FOXP2: variants seen among roughly 807,000 people sequenced by gnomAD.
FOXP2 encodes forkhead box P2.
In FOXP2, 12 loss-of-function variants were observed where a neutral mutation model predicts 115.8. That is an observed-to-expected ratio of 0.10 (90% CI 0.07 to 0.17). The LOEUF (loss-of-function observed/expected upper bound fraction) is 0.17, where lower values mean the gene tolerates loss of function less well. FOXP2 is among the 10% of genes least tolerant of loss of function. The pLI is 1.00. For missense variants in FOXP2, 629 were observed against 843.5 expected, an observed-to-expected ratio of 0.75 and a Z score of 3.15; for synonymous variants, 328 against 297.7, an observed-to-expected ratio of 1.10 and a Z score of -1.05.
intron 3 of FOXP2, among the ~76,000 whole-genome samples, chr7:114,610,335 G>A (rs1402952215): frequency 6.6e-6 from 1 of 152,026 alleles, no homozygotes; most frequent in East Asian, 1.9e-4. Flanking sequence ...CCATGTTTTG[G>A]TATTTTTCAT....
chr7:114,624,382 G>C (rs1358340510), intron 3 of FOXP2, among the ~76,000 whole-genome samples: 1 of 151,846 alleles, frequency 6.6e-6, no homozygotes, highest in Non-Finnish European at 1.5e-5. Flanking sequence ...CTAGTTGGCA[G>C]ACCGTGTTAA....
chr7:114,604,725 G>A (rs527836245), intron 3 of FOXP2, among the ~76,000 whole-genome samples: 6 of 152,106 alleles, frequency 3.9e-5, no homozygotes, highest in African/African-American at 1.2e-4. Flanking sequence ...AAATGAGTCC[G>A]GGTAAATTCT....
chr7:114,641,214 G>A (rs1322841362), intron 6 of FOXP2, among the ~76,000 whole-genome samples: 2 of 152,006 alleles, frequency 1.3e-5, no homozygotes, highest in Non-Finnish European at 2.9e-5. Context: ...AGTTTGTACT[G>A]AGGATTAAAA....
At chr7:114,254,038 T>G (rs1295545182) in intron 1 of FOXP2, among the ~76,000 whole-genome samples, 3 of 152,228 alleles carry the variant, frequency 2.0e-5, no homozygotes, top group African/African-American at 7.2e-5. Flanking sequence ...ATTTTATTTC[T>G]CCTTCACTTA....
intron 1 of FOXP2, among the ~76,000 whole-genome samples, chr7:114,243,381 G>A (rs550317492): frequency 4.0e-5 from 6 of 151,828 alleles, no homozygotes; most frequent in Admixed American, 1.3e-4. Context: ...GCACATGTGA[G>A]TTTGAAATAA....
intron 2 of FOXP2, among the ~76,000 whole-genome samples, chr7:114,292,502 T>C (rs1013074603): frequency 1.3e-5 from 2 of 152,144 alleles, no homozygotes; most frequent in East Asian, 3.9e-4. Context: ...CCTTTTCTCT[T>C]TACTCTGATA....
At chr7:114,289,578 A>G (rs1187646075) in intron 2 of FOXP2, among the ~76,000 whole-genome samples, 3 of 151,894 alleles carry the variant, frequency 2.0e-5, no homozygotes, top group Admixed American at 1.3e-4. Context: ...GTTTAGATTT[A>G]TAATAAGCAG....
intron 1 of FOXP2, among the ~76,000 whole-genome samples, chr7:114,132,736 G>T (rs1035285156): frequency 2.0e-5 from 3 of 151,994 alleles, no homozygotes; most frequent in Non-Finnish European, 2.9e-5. Flanking sequence ...AGAAGGAATG[G>T]CAAGTATTGA....
chr7:114,535,467 T>C (rs966513487), intron 3 of FOXP2, among the ~76,000 whole-genome samples: 4 of 151,650 alleles, frequency 2.6e-5, no homozygotes, highest in Admixed American at 6.6e-5. Context: ...TCCTGAATCA[T>C]GTGTTATATA....
At chr7:114,173,048 A>G (rs1431247623) in intron 1 of FOXP2, among the ~76,000 whole-genome samples, 1 of 151,972 alleles carries the variant, frequency 6.6e-6, no homozygotes, top group African/African-American at 2.4e-5. Context: ...AAATGAAAAT[A>G]TAGATATATA....
chr7:114,680,345 T>C (rs952666393), intron 16 of FOXP2, among the ~76,000 whole-genome samples: 3 of 152,228 alleles, frequency 2.0e-5, no homozygotes, highest in Non-Finnish European at 2.9e-5. Flanking sequence ...TCCTGGATTC[T>C]GGTTTGCAGA....
At chr7:114,406,824 C>A (rs1489003100) in intron 2 of FOXP2, among the ~76,000 whole-genome samples, 1 of 151,990 alleles carries the variant, frequency 6.6e-6, no homozygotes, top group African/African-American at 2.4e-5. Context: ...CTCCCTCTCT[C>A]CCTAGCCTAA....
chr7:114,279,670 T>C (rs1796278886), intron 1 of FOXP2, among the ~76,000 whole-genome samples: 1 of 152,116 alleles, frequency 6.6e-6, no homozygotes, highest in Non-Finnish European at 1.5e-5. Context: ...GAGAGCTTCT[T>C]GTCAATGAAA....
chr7:114,244,124 A>G (rs529880562), intron 1 of FOXP2, among the ~76,000 whole-genome samples: 1 of 152,252 alleles, frequency 6.6e-6, no homozygotes, highest in South Asian at 2.1e-4. Context: ...TCACCTGGTT[A>G]ATTTTTTATA....
chr7:114,554,079 T>C (rs1004950555), intron 3 of FOXP2, among the ~76,000 whole-genome samples: 5 of 152,136 alleles, frequency 3.3e-5, no homozygotes, highest in African/African-American at 1.2e-4. Flanking sequence ...ATGTAAGGGA[T>C]AGCATTATTT....
chr7:114,255,204 T>TA (rs1554356595), intron 1 of FOXP2, among the ~76,000 whole-genome samples: 7 of 152,192 alleles, frequency 4.6e-5, no homozygotes, highest in Admixed American at 4.6e-4. Flanking sequence ...CTGCCCCTAC[T>TA]GGCGATGCCT....
chr7:114,364,168 C>A (rs572580105), intron 2 of FOXP2, among the ~76,000 whole-genome samples: 4 of 152,022 alleles, frequency 2.6e-5, no homozygotes, highest in Admixed American at 2.0e-4. Context: ...TAAAATTTAA[C>A]ACATATATTG....
intron 3 of FOXP2, 127 bp downstream of exon 3, chr7:114,534,833 A>G (rs768722085): frequency 1.5e-4 from 110 of 726,156 alleles, no homozygotes; most frequent in Non-Finnish European, 2.3e-4. Context: ...ATTTTAATTC[A>G]TAAAGAGAAT....
At chr7:114,103,576 G>T (rs547868176) in intron 1 of FOXP2, among the ~76,000 whole-genome samples, 64 of 151,962 alleles carry the variant, frequency 4.2e-4, no homozygotes, top group Non-Finnish European at 1.8e-4. Flanking sequence ...TGAAAATGAG[G>T]ATTGGAAAGT....
Sources: gnomAD v4.1 joint callset for allele counts (sites outside exome capture counted in the v4.1 genomes callset) on GRCh38, gnomAD v4.1.1 for gene constraint, MANE v1.5 for transcripts, NCBI Gene and HGNC (gene_info 2026-07-23, HGNC 2026-07-21) for gene names.